The following ABCG2 variants were observed in gnomAD, a reference collection of about 807,000 sequenced individuals.
ABCG2 encodes the protein ATP binding cassette subfamily G member 2 (JR blood group).
In ABCG2, 80 loss-of-function variants were observed where a neutral mutation model predicts 73.5. The ratio of observed to expected loss-of-function variants is 1.09; its 90% CI spans 0.91 to 1.31. The LOEUF (loss-of-function observed/expected upper bound fraction) is 1.31. Ranked by LOEUF, ABCG2 falls within the 50% of genes most tolerant of loss-of-function variation. The pLI is 0.00. For synonymous variants in ABCG2, 269 were observed against 282.4 expected, an observed-to-expected ratio of 0.95 and a Z score of 0.48; for missense variants, 796 against 786.2, an observed-to-expected ratio of 1.01 and a Z score of -0.15.
At position 88,099,411 on chromosome 4, in the gene ABCG2, A is replaced by G. The variant is rs766149962; in HGVS notation, c.1405T>C (p.Tyr469His). 1.9e-6 allele frequency: 3 copies of G among 1,612,130 alleles called. No homozygotes were observed. The highest frequency in any genetic ancestry group is 2.5e-6 in the Non-Finnish European group (3 of 1,179,122). The change falls in exon 12 of 16, where the codon TAT (tyrosine) becomes CAT (histidine). Residue 469 changes from tyrosine (Y) to histidine (H), a missense_variant. Transcript: ENST00000237612. ...TCAGATAACAGTTTTCCAAGGAAAT[A>G]AGATGACACTCTGTAGTATCCGCTG... ...YISGYYRVSS[Y>H]FLGKLLSDLL...
At position 88,139,962 on chromosome 4, in the gene ABCG2, C is replaced by T. The variant is rs2231137; in HGVS notation, c.34G>A (p.Val12Met). ...AAGCCATTGGTGTTTCCTTGTGACA[C>T]TGGGATAAAAACTTCGACATTACTG... The part of the protein sequence containing the change: ...SSSNVEVFIP[V>M]SQGNTNGFPA... The change falls in exon 2 of 16, where the codon GTG becomes ATG. Residue 12 changes from valine to methionine, a missense_variant. Coordinates refer to ENST00000237612, the MANE Select transcript of ABCG2 (RefSeq NM_004827.3). 99,317 of 1,613,912 alleles carry T rather than the reference C, an allele frequency of 0.062. 6,281 individuals are homozygous for T. The highest frequency in any genetic ancestry group is 0.27 in the East Asian group (12,152 of 44,870).
At chr4:88,164,328 G>T (rs1727429202) in intron 1 of ABCG2, among the ~76,000 whole-genome samples, 1 of 152,202 alleles carries the variant, frequency 6.6e-6, no homozygotes, top group Non-Finnish European at 1.5e-5. Context: ...GCCTCCCAAA[G>T]TACTAGGATT....
chr4:88,112,086 TA>T lies in ABCG2; in HGVS notation c.1194+1216del, dbSNP rs70957300. On this transcript the variant is annotated intron_variant, in intron 9 of 15. Transcript: ENST00000237612. ...GAGTGACAGAGTGAGACCCAGTCTC[TA>T]AAAAAAAAAAAATGTGTAAAGAAAA... Among the ~76,000 whole-genome samples the T allele has an allele frequency of 3.2e-3, 453 of 142,384 alleles. 1 individual carries two copies. The highest frequency in any genetic ancestry group is 6.8e-3 in the African/African-American group (261 of 38,128). The allele number at this position is 142,384 out of a possible 152,430, so 93.4% of individuals were successfully genotyped here.
chr4:88,092,301 G>A lies in ABCG2; in HGVS notation c.1901C>T (p.Ala634Val), dbSNP rs763740151. ...WGLWKNHVAL[A>V]CMIVIFLTIA... ...TGTGAGGAAAATAACAATCATACAA[G>A]CCAAGGCCACGTGATTCTTCCACAA... The change falls in exon 16 of 16, where the codon GCT becomes GTT. Residue 634 changes from alanine (A) to valine (V), a missense_variant. Physicochemically the swap from Ala to Val is moderately conservative, Grantham distance 64. Coordinates refer to ENST00000237612, the MANE Select transcript of ABCG2 (RefSeq NM_004827.3). The A allele has an allele frequency of 3.7e-6, 6 of 1,613,622 alleles. No individual in the cohort carries two copies. In the East Asian group the frequency reaches 8.9e-5, roughly 24 times the overall value.
upstream of ABCG2, among the ~76,000 whole-genome samples, chr4:88,162,754 T>A (rs918092729): frequency 1.3e-5 from 2 of 152,216 alleles, no homozygotes; most frequent in African/African-American, 4.8e-5. Context: ...TAGATGACTT[T>A]CCTCATTTTA....
At chr4:88,219,121 T>C (rs1197617676) in intron 1 of ABCG2, among the ~76,000 whole-genome samples, 2 of 152,256 alleles carry the variant, frequency 1.3e-5, no homozygotes, top group Admixed American at 1.3e-4. Context: ...TCACGGCTAA[T>C]ACTGCTTTGA....
intron 1 of ABCG2, among the ~76,000 whole-genome samples, chr4:88,147,050 G>GAAAGAAAGAAAGAAAGAAAGA (rs1231857468): frequency 2.5e-5 from 2 of 79,554 alleles, no homozygotes; most frequent in Non-Finnish European, 4.9e-5. Flanking sequence ...AGAAAGAAAA[G>GAAAGAAAGAAAGAAAGAAAGA]AAAGGTAAAG....
At chr4:88,155,033 G>A (rs1268081552) in intron 1 of ABCG2, among the ~76,000 whole-genome samples, 1 of 152,166 alleles carries the variant, frequency 6.6e-6, no homozygotes, top group Non-Finnish European at 1.5e-5. Flanking sequence ...CACTTCGGCT[G>A]TGTGTAATGA....
intron 1 of ABCG2, among the ~76,000 whole-genome samples, chr4:88,198,875 T>G (rs1446393741): frequency 1.3e-5 from 2 of 151,880 alleles, no homozygotes; most frequent in African/African-American, 2.4e-5. Context: ...GAGCAAAATA[T>G]TCAAGAACTG....
intron 1 of ABCG2, among the ~76,000 whole-genome samples, chr4:88,205,932 C>T (rs568978515): frequency 3.3e-5 from 5 of 152,246 alleles, no homozygotes; most frequent in African/African-American, 1.2e-4. Context: ...CCGCCTGCCT[C>T]GGCCTCCCAA....
chr4:88,160,826 G>A (rs557626836), upstream of ABCG2, among the ~76,000 whole-genome samples: 48 of 140,890 alleles, frequency 3.4e-4, no homozygotes, highest in African/African-American at 1.2e-3. Context: ...TCTAGCCTGG[G>A]TGACAACGTG....
At chr4:88,162,237 T>C (rs1354004566), upstream of ABCG2, among the ~76,000 whole-genome samples, 1 of 152,084 alleles carries the variant, frequency 6.6e-6, no homozygotes, top group Non-Finnish European at 1.5e-5. Flanking sequence ...TTGTTCTGGG[T>C]AGTAACATGG....
At chr4:88,212,594 A>C (rs896156009) in intron 1 of ABCG2, among the ~76,000 whole-genome samples, 1 of 151,486 alleles carries the variant, frequency 6.6e-6, no homozygotes, top group Non-Finnish European at 1.5e-5. Context: ...TAATAACCCA[A>C]CTCCGGCAAA....
chr4:88,211,104 T>TAA (rs931656608), intron 1 of ABCG2, among the ~76,000 whole-genome samples: 4 of 149,704 alleles, frequency 2.7e-5, no homozygotes, highest in African/African-American at 7.4e-5. Context: ...AATTAAAAAA[T>TAA]AAAAAAAATA....
At chr4:88,221,580 T>C (rs1251929491) in intron 1 of ABCG2, among the ~76,000 whole-genome samples, 1 of 152,162 alleles carries the variant, frequency 6.6e-6, no homozygotes, top group Non-Finnish European at 1.5e-5. Context: ...TTGACCAAAA[T>C]GCTGATGGTG....
At chr4:88,124,122 T>C (rs1724211304) in intron 5 of ABCG2, among the ~76,000 whole-genome samples, 1 of 152,226 alleles carries the variant, frequency 6.6e-6, no homozygotes, top group African/African-American at 2.4e-5. Context: ...CTGAGGGATT[T>C]TGTCACCACC....
rs903104489 is a variant in ABCG2, at chr4:88,165,647, G to A, written c.-19-25633C>T. ...TCTCAGCACTTTGGGAGGCCGAGGC[G>A]GGTGGATTACGAGGTCAGGAGTTCA... is the stretch of plus-strand genomic sequence containing the variant. On this transcript the variant is annotated intron_variant, in intron 1 of 15. Coordinates refer to the ABCG2 transcript ENST00000515655. 3.3e-5 allele frequency among the ~76,000 whole-genome samples: 5 copies of A among 152,180 alleles called. No individual in the cohort carries two copies. The South Asian group carries it at 6.2e-4, about 19-fold the overall frequency.
intron 7 of ABCG2, 66 bp downstream of exon 7, chr4:88,118,043 C>T: frequency 2.0e-6 from 3 of 1,501,414 alleles, no homozygotes; most frequent in Non-Finnish European, 1.8e-6. Flanking sequence ...CTCCTGCAGA[C>T]CCCCTTTGCT....
chr4:88,201,277 T>C (rs1729155697), intron 1 of ABCG2, among the ~76,000 whole-genome samples: 1 of 149,446 alleles, frequency 6.7e-6, no homozygotes, highest in Admixed American at 6.7e-5. Flanking sequence ...AGACATTACC[T>C]GGTTGGCCCT....
Sources: allele counts gnomAD v4.1 joint callset (sites outside exome capture counted in the v4.1 genomes callset), GRCh38; gene constraint gnomAD v4.1.1; transcripts MANE v1.5; gene names NCBI Gene and HGNC (gene_info 2026-07-23, HGNC 2026-07-21).